DGKB: variants seen among roughly 807,000 people sequenced by gnomAD.
DGKB encodes 90 kDa diacylglycerol kinase.
Under a neutral mutation model 114.3 loss-of-function variants are expected in DGKB, and 67 were observed. That is an observed-to-expected ratio of 0.59 (90% CI 0.48 to 0.72). The LOEUF is 0.72. DGKB is among the 30% of genes least tolerant of loss of function. The pLI is 0.00. For synonymous variants in DGKB, 398 were observed against 323.1 expected, an observed-to-expected ratio of 1.23 and a Z score of -2.49; for missense variants, 907 against 975.2, an observed-to-expected ratio of 0.93 and a Z score of 0.93.
intron 21 of DGKB, among the ~76,000 whole-genome samples, chr7:14,434,511 A>G (rs1177135521): frequency 6.6e-6 from 1 of 152,118 alleles, no homozygotes; most frequent in Non-Finnish European, 1.5e-5. Flanking sequence ...GGCTTTGCAG[A>G]TAGAAGAAAA....
chr7:14,578,122 A>G (rs1379679509), intron 19 of DGKB, among the ~76,000 whole-genome samples: 2 of 152,092 alleles, frequency 1.3e-5, no homozygotes, highest in Non-Finnish European at 2.9e-5. Flanking sequence ...TGATGGTTTT[A>G]TCAGGGACTA....
intron 1 of DGKB, among the ~76,000 whole-genome samples, chr7:14,949,775 T>C (rs11971783): frequency 6.6e-6 from 1 of 151,718 alleles, no homozygotes; most frequent in African/African-American, 2.4e-5. Context: ...TGCAGCCATA[T>C]AAAAGGATGA....
At chr7:14,971,736 C>G (rs1327926069) in intron 1 of DGKB, among the ~76,000 whole-genome samples, 1 of 150,878 alleles carries the variant, frequency 6.6e-6, no homozygotes, top group Non-Finnish European at 1.5e-5. Context: ...AATACCTAAA[C>G]TTGCCTACAA....
chr7:14,476,494 A>G (rs891280486), intron 21 of DGKB, among the ~76,000 whole-genome samples: 1 of 152,162 alleles, frequency 6.6e-6, no homozygotes, highest in Non-Finnish European at 1.5e-5. Context: ...ATAAAGAAAA[A>G]TACAGTTGTC....
chr7:14,607,280 T>G (rs1220950730), intron 17 of DGKB, among the ~76,000 whole-genome samples, 154 bp downstream of exon 17: 1 of 151,882 alleles, frequency 6.6e-6, no homozygotes, highest in Non-Finnish European at 1.5e-5. Flanking sequence ...AAAACCAGTA[T>G]TTGCACTCAT....
rs1797604078 is a variant in DGKB, at chr7:14,567,271, A to T, written c.1770+6941T>A. Among the ~76,000 whole-genome samples the T allele has an allele frequency of 6.1e-5, 3 of 49,336 alleles. No individual in the cohort carries two copies. The South Asian group carries it at 1.4e-3, about 23-fold the overall frequency. 32.4% of individuals were successfully genotyped at this position (49,336 alleles called of 152,430 possible). A position where few individuals can be genotyped will look rare whatever the true frequency, so the allele number is the denominator to read the frequency against. The stretch of plus-strand genomic sequence containing the variant: ...TATTATATATTTATATATTATATAT[A>T]TAATTATATTATATATATAATATAT... On this transcript the variant is annotated intron_variant, in intron 20 of 25. Coordinates refer to ENST00000402815, the MANE Select transcript of DGKB (RefSeq NM_001350709.2).
chr7:14,772,972 A>G (rs1220371350), intron 2 of DGKB, among the ~76,000 whole-genome samples: 2 of 152,142 alleles, frequency 1.3e-5, no homozygotes, highest in African/African-American at 4.8e-5. Context: ...GTTATCTTCA[A>G]TGCTTTAATC....
intron 23 of DGKB, among the ~76,000 whole-genome samples, chr7:14,197,872 G>A (rs1785251343): frequency 6.6e-6 from 1 of 152,094 alleles, no homozygotes; most frequent in Non-Finnish European, 1.5e-5. Flanking sequence ...GTAATATTGA[G>A]CAAATGCTAC....
chr7:14,457,447 C>T (rs1171588416), intron 21 of DGKB, among the ~76,000 whole-genome samples: 1 of 152,060 alleles, frequency 6.6e-6, no homozygotes, highest in African/African-American at 2.4e-5. Context: ...ATTTTGGAAA[C>T]TTTAAAAAAT....
chr7:14,754,941 A>G (rs1320298067), intron 3 of DGKB, among the ~76,000 whole-genome samples: 1 of 152,138 alleles, frequency 6.6e-6, no homozygotes, highest in Admixed American at 6.6e-5. Context: ...TGAAGAGCAC[A>G]GGGCATTAGC....
At chr7:14,194,852 A>G (rs1784799524) in intron 23 of DGKB, among the ~76,000 whole-genome samples, 1 of 151,276 alleles carries the variant, frequency 6.6e-6, no homozygotes. Flanking sequence ...CGAGTCTAAA[A>G]TAAGGAAAGA....
rs373448994 is a variant in DGKB, at chr7:14,336,481, T to C, written c.2122+2034A>G. Among the ~76,000 whole-genome samples the C allele has an allele frequency of 2.5e-4, 38 of 152,236 alleles. No homozygotes were observed. In the South Asian group the frequency reaches 7.5e-3, roughly 30 times the overall value. On this transcript the variant is annotated intron_variant, in intron 23 of 25. Coordinates refer to ENST00000402815, the MANE Select transcript of DGKB (RefSeq NM_001350709.2). ...TTTGAAACCTCTCTGAGCTCTGCTG[T>C]TTTTTAACTATTTCCCATCTGTGTA... is the stretch of plus-strand genomic sequence containing the variant.
chr7:14,620,079 TAATTA>T (rs1250439657), intron 15 of DGKB, among the ~76,000 whole-genome samples: 1 of 151,588 alleles, frequency 6.6e-6, no homozygotes, highest in African/African-American at 2.4e-5. Flanking sequence ...TAGGATAATT[TAATTA>T]ATTTTTTTGC....
chr7:14,788,557 T>C (rs1413457256), intron 2 of DGKB, among the ~76,000 whole-genome samples: 2 of 152,144 alleles, frequency 1.3e-5, no homozygotes, highest in East Asian at 1.9e-4. Flanking sequence ...CACTATCCAC[T>C]TACCCTAATC....
intron 1 of DGKB, among the ~76,000 whole-genome samples, chr7:14,889,801 G>T (rs1420348773): frequency 1.3e-5 from 2 of 151,514 alleles, no homozygotes; most frequent in African/African-American, 2.4e-5. Context: ...AATCTGAACA[G>T]CATAAGATAG....
At chr7:14,150,319 T>C (rs542806172) in intron 25 of DGKB, among the ~76,000 whole-genome samples, 1 of 152,136 alleles carries the variant, frequency 6.6e-6, no homozygotes, top group South Asian at 2.1e-4. Flanking sequence ...AAAAAATATA[T>C]CTCTTAAAGT....
chr7:14,954,476 G>A (rs1386937640), intron 1 of DGKB, among the ~76,000 whole-genome samples: 1 of 151,984 alleles, frequency 6.6e-6, no homozygotes, highest in Non-Finnish European at 1.5e-5. Context: ...GCAGTATAGT[G>A]ATTTGACTTG....
chr7:14,297,830 T>C (rs977852720), intron 23 of DGKB, among the ~76,000 whole-genome samples: 1 of 152,170 alleles, frequency 6.6e-6, no homozygotes, highest in African/African-American at 2.4e-5. Flanking sequence ...CCAAATCTCC[T>C]TAAGCTGAAA....
chr7:14,790,786 T>C (rs1334731701), intron 2 of DGKB, among the ~76,000 whole-genome samples: 1 of 152,164 alleles, frequency 6.6e-6, no homozygotes, highest in African/African-American at 2.4e-5. Flanking sequence ...TTGGCCATTC[T>C]AGTTCTTTTG....
Sources: allele counts gnomAD v4.1 joint callset (sites outside exome capture counted in the v4.1 genomes callset), GRCh38; gene constraint gnomAD v4.1.1; transcripts MANE v1.5; gene names NCBI Gene and HGNC (gene_info 2026-07-23, HGNC 2026-07-21).